MCFD2: variants seen among roughly 807,000 people sequenced by gnomAD.
The protein encoded by MCFD2 is multiple coagulation factor deficiency 2, ER cargo receptor complex subunit.
MCFD2 carries 11 observed loss-of-function variants against 12.8 expected under a neutral mutation model. That is an observed-to-expected ratio of 0.86 (90% CI 0.54 to 1.42). The LOEUF (loss-of-function observed/expected upper bound fraction) is 1.42. Ranked by LOEUF, MCFD2 falls within the 40% of genes most tolerant of loss-of-function variation. The probability of loss-of-function intolerance (pLI) is 0.00; values close to 1 mark genes in which losing one functional copy is unlikely to be tolerated. For missense variants in MCFD2, 191 were observed against 178.6 expected, an observed-to-expected ratio of 1.07 and a Z score of -0.40; for synonymous variants, 70 against 68.1, an observed-to-expected ratio of 1.03 and a Z score of -0.14.
At chr2:46,920,714 A>C (rs1000506179), upstream of MCFD2, among the ~76,000 whole-genome samples, 24 of 151,888 alleles carry the variant, frequency 1.6e-4, no homozygotes, top group Middle Eastern at 3.2e-3. Context: ...ATATCTCTTG[A>C]AATTTTTCCT....
intron 1 of MCFD2, among the ~76,000 whole-genome samples, chr2:46,938,938 G>C (rs1157013561): frequency 6.6e-6 from 1 of 151,744 alleles, no homozygotes; most frequent in African/African-American, 2.4e-5. Context: ...TTGAACCTGG[G>C]AGGCGGAGGT....
rs1286782505 is a variant in MCFD2, at chr2:46,940,732, C to CGCGGGCCTGGGA, written c.-8+828_-8+839dup. On this transcript the variant is annotated intron_variant, in intron 1 of 2. Transcript: ENST00000409147. The surrounding 1 kb of genome is among the most constrained non-coding windows in gnomAD (Gnocchi z 4.7). Reference sequence around the variant, plus strand: ...CCCAGCAGAGGGGCGTCCAGAGAGTCGCGGGCCTGGGAACGGGCCTGGGTC... The same window carrying CGCGGGCCTGGGA: ...CCCAGCAGAGGGGCGTCCAGAGAGTCGCGGGCCTGGGAGCGGGCCTGGGAACGGGCCTGGGTC... Among the ~76,000 whole-genome samples, 4 of 152,318 alleles carry CGCGGGCCTGGGA rather than the reference C, an allele frequency of 2.6e-5. No individual in the cohort carries two copies. The highest frequency in any genetic ancestry group is 2.0e-4 in the Admixed American group (3 of 15,306).
chr2:46,908,136 G>A lies in MCFD2; in HGVS notation c.150-167C>T, dbSNP rs1306704119. ...ATTACACAGAGATAGACAAGGCCTT[G>A]AGAGGAGCAGGAAAAGTCAAATAGA... On this transcript the variant is annotated intron_variant, in intron 2 of 3. Coordinates refer to ENST00000319466, the MANE Select transcript of MCFD2 (RefSeq NM_139279.6). This position sits in a 1 kb window ranked among gnomAD's most constrained non-coding sequence, Gnocchi z 4.5. The A allele has an allele frequency of 6.8e-6, 5 of 732,114 alleles. No homozygotes were observed. The highest frequency in any genetic ancestry group is 1.2e-5 in the Non-Finnish European group (5 of 422,260). 45.4% of individuals were successfully genotyped at this position (732,114 alleles called of 1,614,324 possible).
chr2:46,936,645 T>A (rs1669993373), intron 1 of MCFD2, among the ~76,000 whole-genome samples: 2 of 152,176 alleles, frequency 1.3e-5, no homozygotes. Context: ...CTTGCATGTA[T>A]TTATGCTGTC....
rs914834323 is a variant in MCFD2 at position 46,907,694 on chromosome 2, G to A, written c.309+116C>T. 1.7e-6 allele frequency: 2 copies of A among 1,144,470 alleles called. No individual in the cohort carries two copies. Among genetic ancestry groups the A allele is most frequent in the Admixed American group, 1.7e-5 (1 of 57,250 alleles). 70.9% of individuals were successfully genotyped at this position (1,144,470 alleles called of 1,614,324 possible). On this transcript the variant is annotated intron_variant, in intron 3 of 3. Coordinates refer to ENST00000319466, the MANE Select transcript of MCFD2 (RefSeq NM_139279.6). The surrounding 1 kb of genome is among the most constrained non-coding windows in gnomAD (Gnocchi z 4.1). ...TTACAGATGCGAGCCATCATGCCCA[G>A]TGGAGAAGCAGCACTCTTGGCACAT...
At chr2:46,918,245 A>G (rs1418123373), upstream of MCFD2, among the ~76,000 whole-genome samples, 1 of 152,194 alleles carries the variant, frequency 6.6e-6, no homozygotes, top group African/African-American at 2.4e-5. Flanking sequence ...CTGTTGTTCA[A>G]GCTAAAATTC....
At position 46,938,774 on chromosome 2, in the gene MCFD2, G is replaced by A. The variant is rs139179720; in HGVS notation, c.-8+2798C>T. ...CATGCCTGTAATCCCAGCACTTTGG[G>A]AGGCCAAGGCGGGCAGATCATGAGG... is the stretch of plus-strand genomic sequence containing the variant. On this transcript the variant is annotated intron_variant, in intron 1 of 2. Coordinates refer to the MCFD2 transcript ENST00000409147. 2.7e-3 allele frequency among the ~76,000 whole-genome samples: 418 copies of A among 152,290 alleles called. 1 individual carries two copies. The highest frequency in any genetic ancestry group is 9.6e-3 in the African/African-American group (400 of 41,564).
chr2:46,938,609 G>T (rs1421724899), intron 1 of MCFD2, among the ~76,000 whole-genome samples: 1 of 152,132 alleles, frequency 6.6e-6, no homozygotes, highest in Non-Finnish European at 1.5e-5. Flanking sequence ...AGCTAATTTG[G>T]ATATTGATTT....
Position 46,915,712 on chromosome 2 carries a change from A to G in MCFD2, c.-7+11T>C, listed in dbSNP as rs201752014. The G allele has an allele frequency of 4.2e-6, 4 of 947,854 alleles. No homozygotes were observed. In the South Asian group the frequency reaches 2.0e-4, roughly 46 times the overall value. The allele number at this position is 947,854 out of a possible 1,614,324, so 58.7% of individuals were successfully genotyped here. ...TCCCGCCCGCTGCGGAGAGTGCGCTAGTTCACTCACCCTTACGGTCTCCGA... is the reference window on the plus strand; with the variant it reads ...TCCCGCCCGCTGCGGAGAGTGCGCTGGTTCACTCACCCTTACGGTCTCCGA... On this transcript the variant is annotated intron_variant, in intron 1 of 3. Coordinates refer to ENST00000319466, the MANE Select transcript of MCFD2 (RefSeq NM_139279.6).
upstream of MCFD2, among the ~76,000 whole-genome samples, chr2:46,919,047 TG>T (rs972082302): frequency 4.6e-5 from 7 of 152,168 alleles, no homozygotes; most frequent in Non-Finnish European, 1.0e-4. Context: ...GGCCTCTAGG[TG>T]GCATCTCTTT....
In MCFD2 at chr2:46,923,925, G is replaced by A. The variant is rs187053031; in HGVS notation, c.-7-15956C>T. Among the ~76,000 whole-genome samples, 128 of 152,124 alleles carry A rather than the reference G, an allele frequency of 8.4e-4. 2 individuals are homozygous for A. The highest frequency in any genetic ancestry group is 2.4e-3 in the Admixed American group (36 of 15,286). ...TTTTCTTTGTATTTTTAGCAGAGAC[G>A]GAGTTTCACCATGTTGGCCAGGCTG... is the stretch of plus-strand genomic sequence containing the variant. On this transcript the variant is annotated intron_variant, in intron 1 of 2. Transcript: ENST00000409147.
chr2:46,902,652 G>C lies in MCFD2; in HGVS notation c.*2811C>G, dbSNP rs2103722915. The C allele has an allele frequency of 6.5e-6, 1 of 152,720 alleles. No individual in the cohort carries two copies. The highest frequency in any genetic ancestry group is 2.1e-4 in the South Asian group (1 of 4,826). The allele number at this position is 152,720 out of a possible 1,614,324, so 9.5% of individuals were successfully genotyped here. A position where few individuals can be genotyped will look rare whatever the true frequency, so the allele number is the denominator to read the frequency against. On this transcript the variant is annotated 3_prime_UTR_variant, in exon 4 of 4. Coordinates refer to ENST00000319466, the MANE Select transcript of MCFD2 (RefSeq NM_139279.6). ...AAATGTCAGAGGATACAGAATCTTA[G>C]ACTCTGTGGCTAGGCTGAACTCAGA... is the stretch of plus-strand genomic sequence containing the variant.
At chr2:46,924,819 G>A (rs1393827164) in intron 1 of MCFD2, among the ~76,000 whole-genome samples, 6 of 152,140 alleles carry the variant, frequency 3.9e-5, no homozygotes, top group African/African-American at 1.4e-4. Context: ...GTAGAGACAA[G>A]GTTTCACCAT....
At chr2:46,935,924 C>T (rs1019170151) in intron 1 of MCFD2, among the ~76,000 whole-genome samples, 2 of 152,008 alleles carry the variant, frequency 1.3e-5, no homozygotes, top group Non-Finnish European at 2.9e-5. Context: ...GATTCAGTCT[C>T]TTAAAAAATT....
At chr2:46,909,706 CA>C (rs985557461) in intron 1 of MCFD2, among the ~76,000 whole-genome samples, 1 of 152,076 alleles carries the variant, frequency 6.6e-6, no homozygotes, top group Non-Finnish European at 1.5e-5. Context: ...CAGGTGCCCA[CA>C]AGCGGGAAAG....
rs182904736 is a variant in MCFD2, at chr2:46,926,218, G to T, written c.-8+15354C>A. On this transcript the variant is annotated intron_variant, in intron 1 of 2. Coordinates refer to the MCFD2 transcript ENST00000409147. Reference sequence around the variant, plus strand: ...ACTGAAGCCTTACCATCTCCTCAGAGTGGAGCAGTGCTAGATGGTCGGGGA... The same window carrying T: ...ACTGAAGCCTTACCATCTCCTCAGATTGGAGCAGTGCTAGATGGTCGGGGA... Among the ~76,000 whole-genome samples the T allele has an allele frequency of 8.7e-4, 132 of 152,332 alleles. No homozygotes were observed. The Middle Eastern group carries it at 0.01, about 12-fold the overall frequency.
chr2:46,902,240 C>G lies in MCFD2; in HGVS notation c.*3223G>C, dbSNP rs1244086989. The G allele has an allele frequency of 1.3e-5, 2 of 152,556 alleles. No individual in the cohort carries two copies. Among genetic ancestry groups the G allele is most frequent in the East Asian group, 3.9e-4 (2 of 5,182 alleles). The allele number at this position is 152,556 out of a possible 1,614,324, so 9.5% of individuals were successfully genotyped here. A position where few individuals can be genotyped will look rare whatever the true frequency, so the allele number is the denominator to read the frequency against. On this transcript the variant is annotated 3_prime_UTR_variant, in exon 4 of 4. Coordinates refer to ENST00000319466, the MANE Select transcript of MCFD2 (RefSeq NM_139279.6). The stretch of plus-strand genomic sequence containing the variant: ...TTTTTGGGTTCCTTTTCTAATCTTT[C>G]CTGATTTGAAAAGAATCCATGTATC...
rs546716281 is a variant in MCFD2 at position 46,922,359 on chromosome 2, A to G, written c.-7-14390T>C. On this transcript the variant is annotated intron_variant, in intron 1 of 2. Coordinates refer to the MCFD2 transcript ENST00000409147. ...GTGGGGCTTTGTCTATGGGAGTCCT[A>G]TGTGGCCTGGGCTGAGGCTATGTTT... Among the ~76,000 whole-genome samples, 28 of 152,230 alleles carry G rather than the reference A, an allele frequency of 1.8e-4. No homozygotes were observed. The East Asian group carries it at 5.0e-3, about 27-fold the overall frequency.
intron 1 of MCFD2, among the ~76,000 whole-genome samples, chr2:46,911,206 C>A (rs1299912885): frequency 1.3e-5 from 2 of 152,086 alleles, no homozygotes; most frequent in Non-Finnish European, 2.9e-5. Flanking sequence ...TGGCTCACTG[C>A]AACCTCCGCT....
Sources: allele counts gnomAD v4.1 joint callset (sites outside exome capture counted in the v4.1 genomes callset), GRCh38; gene constraint gnomAD v4.1.1; non-coding constraint Gnocchi (gnomAD v3.1); transcripts MANE v1.5; gene names NCBI Gene and HGNC (gene_info 2026-07-23, HGNC 2026-07-21).